Variants in EVC2 observed in about 807,000 individuals in gnomAD.
The protein encoded by EVC2 is EvC ciliary complex subunit 2.
In EVC2, 148 loss-of-function variants were observed where a neutral mutation model predicts 149.3. The ratio of observed to expected loss-of-function variants is 0.99; its 90% CI spans 0.87 to 1.14. The LOEUF (loss-of-function observed/expected upper bound fraction) is 1.14, where lower values mean the gene tolerates loss of function less well. EVC2 is among the 50% of genes most tolerant of loss of function. The pLI, the probability that EVC2 is intolerant of heterozygous loss-of-function variation, is 0.00. For missense variants in EVC2, 1,854 were observed against 1,627.3 expected (o/e 1.14, Z -2.40); for synonymous variants, 776 against 649.9 (o/e 1.19, Z -2.95).
At chr4:5,662,689 TATA>T (rs1316965935) in intron 9 of EVC2, among the ~76,000 whole-genome samples, 1 of 146,994 alleles carries the variant, frequency 6.8e-6, no homozygotes, top group Non-Finnish European at 1.5e-5. Context: ...TAATATTAAA[TATA>T]ATTATTAAAA....
chr4:5,582,904 A>T (rs1014853900), intron 17 of EVC2, among the ~76,000 whole-genome samples: 1 of 152,178 alleles, frequency 6.6e-6, no homozygotes, highest in African/African-American at 2.4e-5. Context: ...TATGTAAGAC[A>T]TGCCTGCTTC....
In EVC2 at chr4:5,576,381, A is replaced by C. The variant is rs933258800; in HGVS notation, c.3131T>G (p.Leu1044Arg). ...GGCCACCCACTGCTGCCAGCTCGCC[A>C]GGGCCTGCTGCTGCTGGGCTGCCTC... is the stretch of plus-strand genomic sequence containing the variant. ...QQEAAQQQQA[L>R]ASWQQWVADG... The change falls in exon 18 of 22, where the codon CTG becomes CGG. Residue 1044 changes from leucine (L) to arginine (R), a missense_variant. Physicochemically the swap from Leu to Arg is moderately radical, Grantham distance 102. Transcript: ENST00000344408. This position sits in a 1 kb window ranked among gnomAD's most constrained non-coding sequence, Gnocchi z 4.5. 6.2e-6 allele frequency: 10 copies of C among 1,613,888 alleles called. No homozygotes were observed. In the African/African-American group the frequency reaches 1.2e-4, roughly 19 times the overall value.
At chr4:5,585,522 G>A (rs899607035) in intron 16 of EVC2, among the ~76,000 whole-genome samples, 2 of 152,146 alleles carry the variant, frequency 1.3e-5, no homozygotes, top group East Asian at 1.9e-4. Flanking sequence ...GCATGCCTAC[G>A]CTTCTTCATC....
At chr4:5,666,126 A>G (rs1719264923) in intron 7 of EVC2, among the ~76,000 whole-genome samples, 1 of 152,100 alleles carries the variant, frequency 6.6e-6, no homozygotes, top group African/African-American at 2.4e-5. Flanking sequence ...TTATATTTAG[A>G]GAAAATCTCT....
intron 16 of EVC2, among the ~76,000 whole-genome samples, chr4:5,604,501 G>A (rs766006807): frequency 1.3e-5 from 2 of 152,096 alleles, no homozygotes; most frequent in African/African-American, 2.4e-5. Flanking sequence ...CAAAAAGAAC[G>A]GATCTCATGG....
At chr4:5,540,129 G>A (rs1721488787), downstream of EVC2, among the ~76,000 whole-genome samples, 2 of 152,178 alleles carry the variant, frequency 1.3e-5, no homozygotes, top group South Asian at 4.1e-4. Context: ...AAACTGCAAA[G>A]AGAAATCGCT....
At chr4:5,586,410 C>T (rs1324468482) in intron 16 of EVC2, among the ~76,000 whole-genome samples, 1 of 152,190 alleles carries the variant, frequency 6.6e-6, no homozygotes, top group East Asian at 1.9e-4. Flanking sequence ...TTCTAAGCCC[C>T]CCCTCAACCA....
Position 5,637,010 on chromosome 4 carries a change from G to A in EVC2, c.1470+3504C>T, listed in dbSNP as rs116000617. 0.019 allele frequency among the ~76,000 whole-genome samples: 2,922 copies of A among 152,184 alleles called. 87 individuals are homozygous for A. Among genetic ancestry groups the A allele is most frequent in the African/African-American group, 0.067 (2,777 of 41,498 alleles). Reference sequence around the variant, plus strand: ...TTGAACAGAGTGACCTAGGACATCCGGAGTGATGGTGCCTGCCCAATACAC... The same window carrying A: ...TTGAACAGAGTGACCTAGGACATCCAGAGTGATGGTGCCTGCCCAATACAC... On this transcript the variant is annotated intron_variant, in intron 10 of 21. Coordinates refer to ENST00000344408, the MANE Select transcript of EVC2 (RefSeq NM_147127.5). This position sits in a 1 kb window ranked among gnomAD's most constrained non-coding sequence, Gnocchi z 4.4.
chr4:5,692,414 A>G (rs1161763091), intron 3 of EVC2, among the ~76,000 whole-genome samples: 1 of 152,168 alleles, frequency 6.6e-6, no homozygotes, highest in Non-Finnish European at 1.5e-5. Flanking sequence ...CTCCCATTTT[A>G]TAGATGAGGA....
At chr4:5,673,285 T>C (rs929513846) in intron 7 of EVC2, among the ~76,000 whole-genome samples, 2 of 152,106 alleles carry the variant, frequency 1.3e-5, no homozygotes, top group Non-Finnish European at 2.9e-5. Context: ...TGATGGAATG[T>C]ATATGTAAGA....
rs765832490 is a variant in EVC2 at position 5,565,297 on chromosome 4, C to G, written c.3620G>C (p.Gly1207Ala). ...GCGGGCCCACAGCATCTTTTCTAAT[C>G]CTCTGCTTATCAGATCTCCTCGCAG... ...GKLRGDLISR[G>A]LEKMLWARKR... Residue 1207 changes from glycine (G) to alanine (A), a missense_variant, in exon 21 of 22, where the codon GGA (glycine) becomes GCA (alanine). Coordinates refer to ENST00000344408, the MANE Select transcript of EVC2 (RefSeq NM_147127.5). The G allele has an allele frequency of 1.2e-6, 2 of 1,614,144 alleles. No individual in the cohort carries two copies. Among genetic ancestry groups the G allele is most frequent in the Admixed American group, 3.3e-5 (2 of 60,022 alleles).
Position 5,694,382 on chromosome 4 carries a change from G to A in EVC2, c.403C>T (p.Pro135Ser). 6.2e-7 allele frequency: 1 copy of A among 1,614,134 alleles called. No individual in the cohort carries two copies. Among genetic ancestry groups the A allele is most frequent in the East Asian group, 2.2e-5 (1 of 44,880 alleles). ...TCTCTTTTAAATAAGTTCTTCTTAG[G>A]CCAGGAGGGTATAAAAGCAAATAAG... ...HSLFAFIPSW[P>S]KKNLFKRESP... Residue 135 changes from proline to serine, a missense_variant, in exon 3 of 22, where the codon CCT becomes TCT. Physicochemically the swap from Pro to Ser is moderately conservative, Grantham distance 74 (BLOSUM62 -1). Transcript: ENST00000344408.
At chr4:5,596,622 G>C (rs913007556) in intron 16 of EVC2, among the ~76,000 whole-genome samples, 5 of 152,154 alleles carry the variant, frequency 3.3e-5, no homozygotes, top group Non-Finnish European at 7.3e-5. Context: ...AAGCAGGAAA[G>C]ATCCAAAATT....
downstream of EVC2, among the ~76,000 whole-genome samples, chr4:5,560,999 T>C (rs1721933697): frequency 1.3e-5 from 2 of 152,198 alleles, no homozygotes; most frequent in Non-Finnish European, 2.9e-5. This position sits in a 1 kb window ranked among gnomAD's most constrained non-coding sequence, Gnocchi z 4.1. Context: ...TAAGGAGTTA[T>C]TATTAGGTTC....
rs1398298203 is a variant in EVC2 at position 5,636,748 on chromosome 4, T to C, written c.1470+3766A>G. ...AAACTTTACTCAGGAAAGCTGATAC[T>C]GCTCCTTTTGCTTTTCTTTTTTAAA... On this transcript the variant is annotated intron_variant, in intron 10 of 21. Coordinates refer to ENST00000344408, the MANE Select transcript of EVC2 (RefSeq NM_147127.5). The surrounding 1 kb of genome is among the most constrained non-coding windows in gnomAD (Gnocchi z 4.6). Among the ~76,000 whole-genome samples the C allele has an allele frequency of 6.6e-6, 1 of 152,192 alleles. No homozygotes were observed. Among genetic ancestry groups the C allele is most frequent in the African/African-American group, 2.4e-5 (1 of 41,448 alleles).
chr4:5,708,214 C>G, intron 1 of EVC2, 72 bp downstream of exon 1: 2 of 1,322,954 alleles, frequency 1.5e-6, no homozygotes, highest in South Asian at 3.3e-5. Flanking sequence ...AAGGGTCCTC[C>G]CTGCCACCGC....
downstream of EVC2, among the ~76,000 whole-genome samples, chr4:5,557,495 A>G (rs1343578720): frequency 1.3e-5 from 2 of 152,200 alleles, no homozygotes; most frequent in African/African-American, 4.8e-5. Flanking sequence ...CAGATCAAGA[A>G]TAAGGCAAAG....
chr4:5,582,951 TCC>T (rs1711935829), intron 17 of EVC2, among the ~76,000 whole-genome samples: 1 of 152,108 alleles, frequency 6.6e-6, no homozygotes, highest in Admixed American at 6.5e-5. Flanking sequence ...GTTTCCTGAG[TCC>T]TCCCCAGAAG....
At chr4:5,581,432 T>C (rs193266960) in intron 17 of EVC2, among the ~76,000 whole-genome samples, 24 of 152,318 alleles carry the variant, frequency 1.6e-4, no homozygotes, top group Admixed American at 2.6e-4. Flanking sequence ...GAGGAACTCA[T>C]TGGGAACTGC....
Sources: gnomAD v4.1 joint callset for allele counts (sites outside exome capture counted in the v4.1 genomes callset) on GRCh38, gnomAD v4.1.1 for gene constraint, Gnocchi (gnomAD v3.1) non-coding constraint, MANE v1.5 for transcripts, NCBI Gene and HGNC (gene_info 2026-07-23, HGNC 2026-07-21) for gene names.